The following ZNF784 variants were observed in gnomAD, a reference collection of about 807,000 sequenced individuals.
ZNF784 encodes the protein zinc finger protein 784.
ZNF784 carries 5 observed loss-of-function variants against 3.3 expected under a neutral mutation model. The observed-to-expected ratio is 1.53, with a 90% CI of 0.80 to 3.22. The LOEUF (loss-of-function observed/expected upper bound fraction) is 3.22. Ranked by LOEUF, ZNF784 falls within the 30% of genes most tolerant of loss-of-function variation. The pLI is 0.00. For missense variants in ZNF784, 501 were observed against 480.7 expected, an observed-to-expected ratio of 1.04 and a Z score of -0.39; for synonymous variants, 231 against 219.6, an observed-to-expected ratio of 1.05 and a Z score of -0.46.
Position 55,621,870 on chromosome 19 carries a change from A to G in ZNF784, c.853T>C (p.Ser285Pro). The change falls in exon 2 of 2, where the codon TCT becomes CCT. Residue 285 changes from serine (S) to proline (P), a missense_variant. Transcript: ENST00000325351. This position sits in a 1 kb window ranked among gnomAD's most constrained non-coding sequence, Gnocchi z 4.1. ...FHGPGPGLGD[S>P]GGQLGSSAAE... Reference sequence around the variant, plus strand: ...GCCGACGAGCCCAGCTGGCCTCCAGAGTCTCCCAGCCCCGGCCCCGGCCCG... The same window carrying G: ...GCCGACGAGCCCAGCTGGCCTCCAGGGTCTCCCAGCCCCGGCCCCGGCCCG... 6.3e-7 allele frequency: 1 copy of G among 1,586,412 alleles called. No individual in the cohort carries two copies.
rs973669196 is a variant in ZNF784 at position 55,622,233 on chromosome 19, T to G, written c.490A>C (p.Thr164Pro). 4.4e-5 allele frequency: 67 copies of G among 1,535,312 alleles called. No individual in the cohort carries two copies. Among genetic ancestry groups the G allele is most frequent in the Non-Finnish European group, 5.6e-5 (64 of 1,145,544 alleles). ...EPGTSRRPPD[T>P]AAVAEQRPGV... ...GGCCTCTGTTCTGCAACGGCCGCTG[T>G]GTCCGGAGGCCTCCGAGAGGTGCCC... Residue 164 changes from threonine (T) to proline (P), a missense_variant, in exon 2 of 2, where the codon ACA (threonine) becomes CCA (proline). Transcript: ENST00000325351. This position sits in a 1 kb window ranked among gnomAD's most constrained non-coding sequence, Gnocchi z 5.9.
chr19:55,621,990 T>G lies in ZNF784; in HGVS notation c.733A>C (p.Ile245Leu). ...QSSVLSGHAR[I>L]HTGERPFRCT... ...CGGAACGGGCGCTCGCCAGTGTGGATGCGGGCGTGGCCGCTAAGCACCGAG... is the reference window on the plus strand; with the variant it reads ...CGGAACGGGCGCTCGCCAGTGTGGAGGCGGGCGTGGCCGCTAAGCACCGAG... The change falls in exon 2 of 2, where the codon ATC becomes CTC. Residue 245 changes from isoleucine to leucine, a missense_variant. Transcript: ENST00000325351. This position sits in a 1 kb window ranked among gnomAD's most constrained non-coding sequence, Gnocchi z 4.1. 1 of 1,594,422 alleles carries G rather than the reference T, an allele frequency of 6.3e-7. No individual in the cohort carries two copies. The highest frequency in any genetic ancestry group is 2.2e-5 in the East Asian group (1 of 44,574).
chr19:55,622,419 G>T lies in ZNF784; in HGVS notation c.304C>A (p.Arg102=). The change falls in exon 2 of 2, where the codon CGG becomes AGG. Residue 102 remains arginine, a synonymous_variant. Coordinates refer to ENST00000325351, the MANE Select transcript of ZNF784 (RefSeq NM_203374.2). The surrounding 1 kb of genome is among the most constrained non-coding windows in gnomAD (Gnocchi z 5.9). ...EGGGQGGDPS[R]CHVCGHSCPG... The stretch of plus-strand genomic sequence containing the variant: ...CAGCTGTGGCCGCACACGTGGCACC[G>T]GCTCGGGTCCCCACCCTGCCCGCCT... 6.3e-7 allele frequency: 1 copy of T among 1,582,972 alleles called. No homozygotes were observed. The highest frequency in any genetic ancestry group is 8.6e-7 in the Non-Finnish European group (1 of 1,165,566).
Position 55,621,429 on chromosome 19 carries a change from A to T in ZNF784, c.*322T>A. On this transcript the variant is annotated 3_prime_UTR_variant, in exon 2 of 2. Coordinates refer to ENST00000325351, the MANE Select transcript of ZNF784 (RefSeq NM_203374.2). The surrounding 1 kb of genome is among the most constrained non-coding windows in gnomAD (Gnocchi z 4.1). ...TGTCGTGACAGGCTGGGTCTTGCAC[A>T]AGGACAAGCCAACCAAGAGACAGTC... The T allele has an allele frequency of 2.1e-6, 1 of 465,288 alleles. No individual in the cohort carries two copies. The highest frequency in any genetic ancestry group is 4.0e-6 in the Non-Finnish European group (1 of 252,722). The allele number at this position is 465,288 out of a possible 1,614,324, so 28.8% of individuals were successfully genotyped here. A position where few individuals can be genotyped will look rare whatever the true frequency, so the allele number is the denominator to read the frequency against.
In ZNF784 at chr19:55,621,258, G is replaced by A. The variant is rs898979085; in HGVS notation, c.*493C>T. The A allele has an allele frequency of 5.3e-5, 9 of 171,244 alleles. No individual in the cohort carries two copies. Among genetic ancestry groups the A allele is most frequent in the Non-Finnish European group, 3.8e-5 (3 of 78,602 alleles). The allele number at this position is 171,244 out of a possible 1,614,324, so 10.6% of individuals were successfully genotyped here. ...AGTGTCTTCTGCCAGAGGGTGGATA[G>A]GCATCCCAGGTCCAGTGCAATGCAG... On this transcript the variant is annotated 3_prime_UTR_variant, in exon 2 of 2. Transcript: ENST00000325351. The surrounding 1 kb of genome is among the most constrained non-coding windows in gnomAD (Gnocchi z 4.1).
In ZNF784 at chr19:55,622,183, C is replaced by G. The variant is rs757463501; in HGVS notation, c.540G>C (p.Glu180Asp). The G allele has an allele frequency of 6.5e-7, 1 of 1,533,732 alleles. No homozygotes were observed. The highest frequency in any genetic ancestry group is 8.7e-7 in the Non-Finnish European group (1 of 1,145,106). The stretch of plus-strand genomic sequence containing the variant: ...CCGCCGCCGCCGCCGCCATCACCAC[C>G]TCCGCCCTCTCCGGGGCCACCCCGG... Reference protein sequence around the residue: ...QRPGVAPERAEVVMAAAAAGA... With the variant: ...QRPGVAPERADVVMAAAAAGA... The change falls in exon 2 of 2, where the codon GAG becomes GAC. Residue 180 changes from glutamate (E) to aspartate (D), a missense_variant. Transcript: ENST00000325351. The surrounding 1 kb of genome is among the most constrained non-coding windows in gnomAD (Gnocchi z 5.9).
In ZNF784 at chr19:55,622,134, C is replaced by G; in HGVS notation, c.589G>C (p.Ala197Pro). ...AAGAAVGKPF[A>P]CRFCAKPFRR... ...AAGGGCTTGGCGCAGAACCTGCAGG[C>G]AAAAGGCTTCCCCACCGCTGCGCCC... Residue 197 changes from alanine (A) to proline (P), a missense_variant, in exon 2 of 2, where the codon GCC becomes CCC. Coordinates refer to ENST00000325351, the MANE Select transcript of ZNF784 (RefSeq NM_203374.2). This position sits in a 1 kb window ranked among gnomAD's most constrained non-coding sequence, Gnocchi z 5.9. 6.5e-7 allele frequency: 1 copy of G among 1,541,808 alleles called. No homozygotes were observed. The highest frequency in any genetic ancestry group is 1.4e-5 in the African/African-American group (1 of 73,448).
At position 55,622,012 on chromosome 19, in the gene ZNF784, C is replaced by A; in HGVS notation, c.711G>T (p.Ser237=). ...GGATGCGGGCGTGGCCGCTAAGCACCGAGGACTGGGTGAAGCCCTTGCCGC... is the reference window on the plus strand; with the variant it reads ...GGATGCGGGCGTGGCCGCTAAGCACAGAGGACTGGGTGAAGCCCTTGCCGC... The part of the protein sequence containing the change: ...GICGKGFTQS[S]VLSGHARIHT... Residue 237 remains serine, a synonymous_variant, in exon 2 of 2, where the codon TCG becomes TCT. Coordinates refer to ENST00000325351, the MANE Select transcript of ZNF784 (RefSeq NM_203374.2). The surrounding 1 kb of genome is among the most constrained non-coding windows in gnomAD (Gnocchi z 5.9). The A allele has an allele frequency of 6.3e-7, 1 of 1,593,776 alleles. No individual in the cohort carries two copies. Among genetic ancestry groups the A allele is most frequent in the Non-Finnish European group, 8.5e-7 (1 of 1,177,992 alleles).
In ZNF784 at chr19:55,622,757, C is replaced by T. The variant is rs1600022280; in HGVS notation, c.79-113G>A. 1 of 1,021,470 alleles carries T rather than the reference C, an allele frequency of 9.8e-7. No homozygotes were observed. Among genetic ancestry groups the T allele is most frequent in the East Asian group, 2.9e-5 (1 of 34,400 alleles). The allele number at this position is 1,021,470 out of a possible 1,614,324, so 63.3% of individuals were successfully genotyped here. ...TGTTATTTTCAGACAGGGCCTCACT[C>T]TGTTGCCCTGGCGCGATCGTGGCTC... On this transcript the variant is annotated intron_variant, in intron 1 of 1. Transcript: ENST00000325351. This position sits in a 1 kb window ranked among gnomAD's most constrained non-coding sequence, Gnocchi z 5.9.
At position 55,621,588 on chromosome 19, in the gene ZNF784, C is replaced by G; in HGVS notation, c.*163G>C. ...GTGGGAGTCTGGAGCCTGGCCCTCT[C>G]CCTCTGCTCTCCATCACTAGCGGCT... On this transcript the variant is annotated 3_prime_UTR_variant, in exon 2 of 2. Transcript: ENST00000325351. The surrounding 1 kb of genome is among the most constrained non-coding windows in gnomAD (Gnocchi z 4.1). 4 of 968,836 alleles carry G rather than the reference C, an allele frequency of 4.1e-6. No homozygotes were observed. Among genetic ancestry groups the G allele is most frequent in the South Asian group, 1.6e-5 (1 of 61,410 alleles). 60.0% of individuals were successfully genotyped at this position (968,836 alleles called of 1,614,324 possible).
At chr19:55,623,964 G>A (rs1981652624) in intron 1 of ZNF784, among the ~76,000 whole-genome samples, 1 of 152,058 alleles carries the variant, frequency 6.6e-6, no homozygotes, top group Non-Finnish European at 1.5e-5. Context: ...AAGTTCCAAA[G>A]TCACCTAGAC....
chr19:55,621,574 G>GA lies in ZNF784; in HGVS notation c.*176dup. On this transcript the variant is annotated 3_prime_UTR_variant, in exon 2 of 2. Transcript: ENST00000325351. This position sits in a 1 kb window ranked among gnomAD's most constrained non-coding sequence, Gnocchi z 4.1. ...TGCTGTGTGGGCGTGTGGGAGTCTGGAGCCTGGCCCTCTCCCTCTGCTCTC... is the reference window on the plus strand; with the variant it reads ...TGCTGTGTGGGCGTGTGGGAGTCTGGAAGCCTGGCCCTCTCCCTCTGCTCTC... 2 of 848,474 alleles carry GA rather than the reference G, an allele frequency of 2.4e-6. No individual in the cohort carries two copies. The highest frequency in any genetic ancestry group is 3.5e-5 in the South Asian group (2 of 57,864). 52.6% of individuals were successfully genotyped at this position (848,474 alleles called of 1,614,324 possible).
At position 55,622,088 on chromosome 19, in the gene ZNF784, C is replaced by G. The variant is rs747098219; in HGVS notation, c.635G>C (p.Arg212Pro). 7.0e-6 allele frequency: 11 copies of G among 1,577,918 alleles called. No individual in the cohort carries two copies. Among genetic ancestry groups the G allele is most frequent in the Non-Finnish European group, 9.4e-6 (11 of 1,170,084 alleles). The change falls in exon 2 of 2, where the codon CGA (arginine) becomes CCA (proline). Residue 212 changes from arginine to proline, a missense_variant. Coordinates refer to ENST00000325351, the MANE Select transcript of ZNF784 (RefSeq NM_203374.2). The surrounding 1 kb of genome is among the most constrained non-coding windows in gnomAD (Gnocchi z 5.9). Reference protein sequence around the residue: ...AKPFRRSSDMRDHERVHTGER... With the variant: ...AKPFRRSSDMPDHERVHTGER... ...GCCAGTGTGCACGCGCTCGTGGTCTCGCATGTCTGAGGAGCGGCGGAAGGG... is the reference window on the plus strand; with the variant it reads ...GCCAGTGTGCACGCGCTCGTGGTCTGGCATGTCTGAGGAGCGGCGGAAGGG...
rs1981539905 is a variant in ZNF784 at position 55,621,278 on chromosome 19, A to T, written c.*473T>A. ...GGATAGGCATCCCAGGTCCAGTGCA[A>T]TGCAGTGAGGTAGGCAGGAGACTCC... On this transcript the variant is annotated 3_prime_UTR_variant, in exon 2 of 2. Coordinates refer to ENST00000325351, the MANE Select transcript of ZNF784 (RefSeq NM_203374.2). This position sits in a 1 kb window ranked among gnomAD's most constrained non-coding sequence, Gnocchi z 4.1. The T allele has an allele frequency of 4.9e-6, 1 of 202,200 alleles. No individual in the cohort carries two copies. The highest frequency in any genetic ancestry group is 1.0e-5 in the Non-Finnish European group (1 of 97,100). The allele number at this position is 202,200 out of a possible 1,614,324, so 12.5% of individuals were successfully genotyped here. A position where few individuals can be genotyped will look rare whatever the true frequency, so the allele number is the denominator to read the frequency against.
rs775768695 is a variant in ZNF784, at chr19:55,624,515, G to A, written c.47C>T (p.Pro16Leu). The change falls in exon 1 of 2, where the codon CCG becomes CTG. Residue 16 changes from proline to leucine, a missense_variant. By Grantham distance (98) the Pro-to-Leu change is moderately conservative. Coordinates refer to ENST00000325351, the MANE Select transcript of ZNF784 (RefSeq NM_203374.2). ...CAGTGGCTCCTGGGATCGCGACTCC[G>A]GAGTCGGTGAGCTCCGACTCTGGGC... is the stretch of plus-strand genomic sequence containing the variant. ...PEAQSRSSPT[P>L]ESRSQEPLDL... 22 of 1,604,416 alleles carry A rather than the reference G, an allele frequency of 1.4e-5. No homozygotes were observed. In the African/African-American group the frequency reaches 1.7e-4, roughly 13 times the overall value.
rs1363584730 is a variant in ZNF784, at chr19:55,622,764, C to T, written c.79-120G>A. The T allele has an allele frequency of 1.1e-6, 1 of 952,174 alleles. No homozygotes were observed. Among genetic ancestry groups the T allele is most frequent in the African/African-American group, 1.7e-5 (1 of 58,890 alleles). 59.0% of individuals were successfully genotyped at this position (952,174 alleles called of 1,614,324 possible). On this transcript the variant is annotated intron_variant, in intron 1 of 1. Transcript: ENST00000325351. The surrounding 1 kb of genome is among the most constrained non-coding windows in gnomAD (Gnocchi z 5.9). The stretch of plus-strand genomic sequence containing the variant: ...TTCAGACAGGGCCTCACTCTGTTGC[C>T]CTGGCGCGATCGTGGCTCATTGCAA...
rs1981672989 is a variant in ZNF784, at chr19:55,624,381, C to T, written c.78+103G>A. The T allele has an allele frequency of 3.9e-6, 4 of 1,025,394 alleles. No homozygotes were observed. The South Asian group carries it at 6.0e-5, about 15-fold the overall frequency. The allele number at this position is 1,025,394 out of a possible 1,614,324, so 63.5% of individuals were successfully genotyped here. A position where few individuals can be genotyped will look rare whatever the true frequency, so the allele number is the denominator to read the frequency against. ...CCCCCAGGGCCATAGCACTAAATACCTCCCTCGCCCACCCCCTCATAGGCC... is the reference window on the plus strand; with the variant it reads ...CCCCCAGGGCCATAGCACTAAATACTTCCCTCGCCCACCCCCTCATAGGCC... On this transcript the variant is annotated intron_variant, in intron 1 of 1. Transcript: ENST00000325351.
At position 55,622,680 on chromosome 19, in the gene ZNF784, C is replaced by G. The variant is rs764597907; in HGVS notation, c.79-36G>C. On this transcript the variant is annotated intron_variant, in intron 1 of 1. Coordinates refer to ENST00000325351, the MANE Select transcript of ZNF784 (RefSeq NM_203374.2). This position sits in a 1 kb window ranked among gnomAD's most constrained non-coding sequence, Gnocchi z 5.9. ...GGAGAAGAAAGAGGAGCCTGTGGAA[C>G]CTGCCTCAGGACCGCCCCAGCACGC... 18 of 1,486,620 alleles carry G rather than the reference C, an allele frequency of 1.2e-5. No homozygotes were observed. 92.1% of individuals were successfully genotyped at this position (1,486,620 alleles called of 1,614,324 possible). A position where few individuals can be genotyped will look rare whatever the true frequency, so the allele number is the denominator to read the frequency against.
rs1158803259 is a variant in ZNF784 at position 55,620,883 on chromosome 19, T to C, written c.*868A>G. 6.6e-6 allele frequency: 1 copy of C among 152,668 alleles called. No homozygotes were observed. Among genetic ancestry groups the C allele is most frequent in the Non-Finnish European group, 1.5e-5 (1 of 68,082 alleles). 9.5% of individuals were successfully genotyped at this position (152,668 alleles called of 1,614,324 possible). ...CATGCTGCCATCAGCCAGCCCGCCC[T>C]TGGGATTGGCGGGGACTAGGCAGTA... On this transcript the variant is annotated 3_prime_UTR_variant, in exon 2 of 2. Coordinates refer to ENST00000325351, the MANE Select transcript of ZNF784 (RefSeq NM_203374.2).
Sources: gnomAD v4.1 joint callset for allele counts (sites outside exome capture counted in the v4.1 genomes callset) on GRCh38, gnomAD v4.1.1 for gene constraint, Gnocchi (gnomAD v3.1) non-coding constraint, MANE v1.5 for transcripts, NCBI Gene and HGNC (gene_info 2026-07-23, HGNC 2026-07-21) for gene names.